The following IFT88 variants were observed in gnomAD, a reference collection of about 807,000 sequenced individuals.
The protein encoded by IFT88 is intraflagellar transport protein 88 homolog.
Under a neutral mutation model 119.5 loss-of-function variants are expected in IFT88, and 74 were observed. The observed-to-expected ratio is 0.62, with a 90% confidence interval of 0.51 to 0.75. The LOEUF is 0.75. Ranked by LOEUF, IFT88 falls within the 30% of genes least tolerant of loss-of-function variation. The pLI is 0.00. For synonymous variants in IFT88, 279 were observed against 316.7 expected, an observed-to-expected ratio of 0.88 and a Z score of 1.26; for missense variants, 961 against 977.7, an observed-to-expected ratio of 0.98 and a Z score of 0.23.
chr13:20,684,912 G>A (rs960337337), intron 24 of IFT88, among the ~76,000 whole-genome samples: 4 of 152,198 alleles, frequency 2.6e-5, no homozygotes, highest in African/African-American at 7.2e-5. Context: ...ACCGCTTGCC[G>A]AGACCAGCTC....
At chr13:20,625,692 A>G (rs2047180778) in intron 14 of IFT88, 58 bp from the exon 15 acceptor site, 1 of 1,181,568 alleles carries the variant, frequency 8.5e-7, no homozygotes, top group East Asian at 2.4e-5. Flanking sequence ...TAAGAAAACC[A>G]ACAGCATCAA....
chr13:20,681,907 C>A lies in IFT88; in HGVS notation c.2243-8798C>A, dbSNP rs145633643. On this transcript the variant is annotated intron_variant, in intron 24 of 25. Transcript: ENST00000351808. Reference sequence around the variant, plus strand: ...AATAAGAAGCTTTACCATTACTAGACCCATCTGTAAAAACATTTTCAGCAC... The same window carrying A: ...AATAAGAAGCTTTACCATTACTAGAACCATCTGTAAAAACATTTTCAGCAC... Among the ~76,000 whole-genome samples, 530 of 152,322 alleles carry A rather than the reference C, an allele frequency of 3.5e-3. 6 individuals are homozygous for A. The highest frequency in any genetic ancestry group is 3.4e-3 in the Non-Finnish European group (229 of 68,028).
At chr13:20,570,903 A>G (rs534743564) in intron 1 of IFT88, among the ~76,000 whole-genome samples, 7 of 152,216 alleles carry the variant, frequency 4.6e-5, no homozygotes, top group Admixed American at 4.6e-4. Flanking sequence ...ATATATAAAT[A>G]ATTTTTAAAG....
chr13:20,628,136 T>C (rs1300589316), intron 15 of IFT88, among the ~76,000 whole-genome samples: 1 of 152,190 alleles, frequency 6.6e-6, no homozygotes, highest in Non-Finnish European at 1.5e-5. Flanking sequence ...TATTTACAAT[T>C]CAAAGTGAAA....
intron 15 of IFT88, among the ~76,000 whole-genome samples, chr13:20,628,141 G>A (rs2047644789): frequency 1.3e-5 from 2 of 152,006 alleles, no homozygotes; most frequent in Non-Finnish European, 2.9e-5. Flanking sequence ...ACAATTCAAA[G>A]TGAAAAAGAA....
chr13:20,670,545 T>TTA (rs2055625582), intron 23 of IFT88, among the ~76,000 whole-genome samples: 1 of 141,584 alleles, frequency 7.1e-6, no homozygotes, highest in Admixed American at 7.0e-5. Context: ...TTTTTTTTTT[T>TTA]TACCCTCAAA....
intron 9 of IFT88, among the ~76,000 whole-genome samples, chr13:20,597,580 T>TA (rs1264440301): frequency 6.6e-6 from 1 of 151,798 alleles, no homozygotes; most frequent in South Asian, 2.1e-4. Flanking sequence ...CCATCTCTAC[T>TA]AAAAATACAA....
intron 13 of IFT88, chr13:20,607,365 A>G: frequency 1.8e-6 from 1 of 571,352 alleles, no homozygotes; most frequent in Admixed American, 2.1e-5. Context: ...TCCTATGCAC[A>G]CACCATTAAG....
At chr13:20,625,647 AGG>A in intron 14 of IFT88, 101 bp from the exon 15 acceptor site, 1 of 706,296 alleles carries the variant, frequency 1.4e-6, no homozygotes, top group Non-Finnish European at 2.4e-6. Context: ...ACAGAGTACT[AGG>A]GACCCTTTAA....
In IFT88 at chr13:20,601,688, A is replaced by G; in HGVS notation, c.813-17A>G. 6.6e-7 allele frequency: 1 copy of G among 1,513,170 alleles called. No homozygotes were observed. The highest frequency in any genetic ancestry group is 9.1e-7 in the Non-Finnish European group (1 of 1,093,560). The allele number at this position is 1,513,170 out of a possible 1,614,324, so 93.7% of individuals were successfully genotyped here. On this transcript the variant is annotated splice_polypyrimidine_tract_variant and intron_variant, in intron 11 of 25. Transcript: ENST00000351808. ...GAGTTCAGAATTTTAAAGCTAATCC[A>G]TGTCTTTTTCTTTTAGGATTAAAAT... is the stretch of plus-strand genomic sequence containing the variant.
chr13:20,627,848 G>C (rs765980771), intron 15 of IFT88, among the ~76,000 whole-genome samples: 1 of 151,322 alleles, frequency 6.6e-6, no homozygotes, highest in Non-Finnish European at 1.5e-5. Context: ...GTTGAACTCA[G>C]ATCTTACTAT....
At chr13:20,646,851 G>GTT (rs574029572) in intron 20 of IFT88, among the ~76,000 whole-genome samples, 1 of 140,724 alleles carries the variant, frequency 7.1e-6, no homozygotes, top group African/African-American at 2.6e-5. Context: ...TAACATTCCT[G>GTT]TTTTTTTTTT....
At chr13:20,573,102 A>T (rs2036695723) in intron 1 of IFT88, among the ~76,000 whole-genome samples, 1 of 152,152 alleles carries the variant, frequency 6.6e-6, no homozygotes, top group Non-Finnish European at 1.5e-5. Context: ...AGGTCCAGAG[A>T]GGCGTGGGAG....
chr13:20,589,489 G>A (rs992588285), intron 3 of IFT88, among the ~76,000 whole-genome samples: 1 of 152,106 alleles, frequency 6.6e-6, no homozygotes, highest in African/African-American at 2.4e-5. Context: ...CTATTGTTTG[G>A]CCTAGTGGCT....
chr13:20,571,288 C>A (rs1173413705), intron 1 of IFT88, among the ~76,000 whole-genome samples: 1 of 152,218 alleles, frequency 6.6e-6, no homozygotes, highest in African/African-American at 2.4e-5. Context: ...GCCACTGCGC[C>A]CAGCCTAAGC....
At chr13:20,624,993 T>C (rs2047086190) in intron 14 of IFT88, among the ~76,000 whole-genome samples, 1 of 152,198 alleles carries the variant, frequency 6.6e-6, no homozygotes, top group Admixed American at 6.5e-5. Context: ...CTTCAACTTA[T>C]TCCTTCGTCT....
chr13:20,683,564 G>A (rs982898665), intron 24 of IFT88, among the ~76,000 whole-genome samples: 1 of 152,034 alleles, frequency 6.6e-6, no homozygotes, highest in African/African-American at 2.4e-5. Context: ...TATACTTCAG[G>A]GGTTTTACCA....
At chr13:20,619,820 T>A (rs1383647526) in intron 14 of IFT88, among the ~76,000 whole-genome samples, 17 of 152,282 alleles carry the variant, frequency 1.1e-4, no homozygotes, top group Non-Finnish European at 2.9e-5. Flanking sequence ...AAAGTTCCTG[T>A]ACTTGTTTAC....
At chr13:20,641,455 G>A in intron 18 of IFT88, 57 bp downstream of exon 18, 1 of 1,011,164 alleles carries the variant, frequency 9.9e-7, no homozygotes, top group Non-Finnish European at 1.5e-6. Context: ...GGTGATTGAA[G>A]ATCAATTATT....
Sources: gnomAD v4.1 joint callset for allele counts (sites outside exome capture counted in the v4.1 genomes callset) on GRCh38, gnomAD v4.1.1 for gene constraint, MANE v1.5 for transcripts, NCBI Gene and HGNC (gene_info 2026-07-23, HGNC 2026-07-21) for gene names.